The following LRMDA variants were observed in gnomAD, a reference collection of about 807,000 sequenced individuals.
The protein encoded by LRMDA is leucine rich melanocyte differentiation associated.
A neutral mutation model predicts 29.8 loss-of-function variants in LRMDA; 18 were observed. The observed-to-expected ratio is 0.60, with a 90% CI of 0.42 to 0.90. The LOEUF (loss-of-function observed/expected upper bound fraction) is 0.90, where lower values mean the gene tolerates loss of function less well. Ranked by LOEUF, LRMDA falls within the 40% of genes least tolerant of loss-of-function variation. LRMDA has a pLI of 0.00. For missense variants in LRMDA, 273 were observed against 273.9 expected (o/e 1.00, Z 0.02); for synonymous variants, 125 against 109.4 (o/e 1.14, Z -0.89).
intron 2 of LRMDA, among the ~76,000 whole-genome samples, chr10:75,960,638 G>A (rs772383780): frequency 2.0e-5 from 3 of 152,064 alleles, no homozygotes; most frequent in Non-Finnish European, 4.4e-5. Flanking sequence ...TTTAGAGATA[G>A]AGTCTCACTC....
intron 2 of LRMDA, among the ~76,000 whole-genome samples, chr10:75,474,717 ATACCAG>A (rs1844767945): frequency 6.6e-6 from 1 of 152,158 alleles, no homozygotes; most frequent in Admixed American, 6.5e-5. Context: ...CCTCATTGTA[ATACCAG>A]TGCAGTTTGT....
At chr10:76,254,798 C>T (rs1283423971) in intron 5 of LRMDA, among the ~76,000 whole-genome samples, 1 of 148,226 alleles carries the variant, frequency 6.7e-6, no homozygotes, top group East Asian at 2.0e-4. Context: ...TGATTACCCA[C>T]CACCGTGAGT....
At chr10:76,214,506 G>C (rs540982214) in intron 5 of LRMDA, among the ~76,000 whole-genome samples, 1 of 150,362 alleles carries the variant, frequency 6.7e-6, no homozygotes, top group East Asian at 2.0e-4. Flanking sequence ...CACCGCGCCC[G>C]GCTAATTTTT....
chr10:75,507,939 A>G (rs576929461), intron 2 of LRMDA, among the ~76,000 whole-genome samples: 7 of 152,302 alleles, frequency 4.6e-5, no homozygotes, highest in South Asian at 4.2e-4. Context: ...ACAGCTCTCA[A>G]TTGAGCCCTA....
intron 6 of LRMDA, among the ~76,000 whole-genome samples, chr10:76,351,207 G>T (rs1019550140): frequency 6.6e-6 from 1 of 152,114 alleles, no homozygotes; most frequent in Non-Finnish European, 1.5e-5. Context: ...GCAGCTCCAC[G>T]CATTGACTCC....
intron 2 of LRMDA, among the ~76,000 whole-genome samples, chr10:75,631,304 C>T (rs948653865): frequency 6.6e-6 from 1 of 152,094 alleles, no homozygotes; most frequent in Admixed American, 6.5e-5. Context: ...ACTGCAGCCA[C>T]CTGGAGAAAA....
chr10:75,968,164 G>A lies in LRMDA; in HGVS notation c.132-67844G>A, dbSNP rs185536344. Among the ~76,000 whole-genome samples the A allele has an allele frequency of 2.0e-5, 3 of 152,160 alleles. No individual in the cohort carries two copies. The East Asian group carries it at 5.8e-4, about 29-fold the overall frequency. The stretch of plus-strand genomic sequence containing the variant: ...GGTCTTGGTGGACAGGGTCAAGCAG[G>A]CTCAAAAGGATAGGCCTGTGAATCA... On this transcript the variant is annotated intron_variant, in intron 2 of 6. Coordinates refer to ENST00000611255, the MANE Select transcript of LRMDA (RefSeq NM_001305581.2).
intron 5 of LRMDA, among the ~76,000 whole-genome samples, chr10:76,267,773 T>G (rs1405677505): frequency 6.6e-6 from 1 of 152,194 alleles, no homozygotes; most frequent in Non-Finnish European, 1.5e-5. Context: ...AAATGTCTCA[T>G]TTGACACAAC....
At chr10:76,329,082 G>A (rs1840871812) in intron 6 of LRMDA, among the ~76,000 whole-genome samples, 1 of 152,186 alleles carries the variant, frequency 6.6e-6, no homozygotes, top group Non-Finnish European at 1.5e-5. Flanking sequence ...GACTGTTTCA[G>A]TCATTGCTGT....
intron 2 of LRMDA, among the ~76,000 whole-genome samples, chr10:75,586,648 G>GT (rs1477325720): frequency 2.6e-5 from 4 of 151,902 alleles, no homozygotes; most frequent in South Asian, 4.2e-4. Context: ...CCTGTCTTTT[G>GT]TTTTTTTGAT....
chr10:76,097,431 A>C (rs1235791827), intron 5 of LRMDA, among the ~76,000 whole-genome samples: 2 of 152,236 alleles, frequency 1.3e-5, no homozygotes, highest in Non-Finnish European at 2.9e-5. Flanking sequence ...ACAGTAACTT[A>C]GTACCACAAT....
intron 6 of LRMDA, among the ~76,000 whole-genome samples, chr10:76,363,176 A>AGGAAGGAGGGAGGGAG (rs1841340056): frequency 4.6e-5 from 1 of 21,750 alleles, no homozygotes; most frequent in Admixed American, 4.9e-4. Flanking sequence ...AAAGAAAGAA[A>AGGAAGGAGGGAGGGAG]GGAGGGAGGG....
intron 6 of LRMDA, among the ~76,000 whole-genome samples, chr10:76,502,746 C>T (rs552626426): frequency 3.3e-5 from 5 of 149,648 alleles, no homozygotes; most frequent in African/African-American, 1.2e-4. Flanking sequence ...CCTTTTTTTT[C>T]TTTCTTTTTT....
chr10:76,444,300 A>G (rs1308709734), intron 6 of LRMDA, among the ~76,000 whole-genome samples: 1 of 152,178 alleles, frequency 6.6e-6, no homozygotes, highest in Non-Finnish European at 1.5e-5. Flanking sequence ...CAGCCCAGCA[A>G]AGGAGTACAC....
In LRMDA at chr10:76,349,320, T is replaced by C. The variant is rs79404254; in HGVS notation, c.601+24835T>C. On this transcript the variant is annotated intron_variant, in intron 6 of 6. Coordinates refer to ENST00000611255, the MANE Select transcript of LRMDA (RefSeq NM_001305581.2). ...ATAGGCAATATGGAAGCCAATGGGGTTGGCTGTGTTCCAATAAGACTATTT... is the reference window on the plus strand; with the variant it reads ...ATAGGCAATATGGAAGCCAATGGGGCTGGCTGTGTTCCAATAAGACTATTT... Among the ~76,000 whole-genome samples the C allele has an allele frequency of 7.5e-3, 1,149 of 152,200 alleles. 14 individuals are homozygous for C. The highest frequency in any genetic ancestry group is 0.026 in the African/African-American group (1,085 of 41,520).
chr10:76,464,816 T>G (rs1842548563), intron 6 of LRMDA: 1 of 152,138 alleles, frequency 6.6e-6, no homozygotes, highest in South Asian at 2.1e-4. Context: ...GTGTAGGTAA[T>G]GGGTGTGAAT....
chr10:76,310,080 A>T (rs1162630141), intron 5 of LRMDA, among the ~76,000 whole-genome samples: 1 of 152,216 alleles, frequency 6.6e-6, no homozygotes, highest in Non-Finnish European at 1.5e-5. Flanking sequence ...TTTATGATTC[A>T]TGGGAGAAAC....
intron 6 of LRMDA, among the ~76,000 whole-genome samples, chr10:76,494,061 A>G (rs1343537670): frequency 6.6e-6 from 1 of 151,892 alleles, no homozygotes; most frequent in Non-Finnish European, 1.5e-5. Context: ...GTCCCAGAAG[A>G]TTCTTTTGTA....
At chr10:76,284,895 C>T (rs765591622) in intron 5 of LRMDA, among the ~76,000 whole-genome samples, 27 of 152,304 alleles carry the variant, frequency 1.8e-4, no homozygotes, top group Non-Finnish European at 3.5e-4. Flanking sequence ...GCTCCTCCTT[C>T]ACCTTCCACC....
Sources: allele counts gnomAD v4.1 joint callset (sites outside exome capture counted in the v4.1 genomes callset), GRCh38; gene constraint gnomAD v4.1.1; transcripts MANE v1.5; gene names NCBI Gene and HGNC (gene_info 2026-07-23, HGNC 2026-07-21).